The following NCBP1 variants were observed in gnomAD, a reference collection of about 807,000 sequenced individuals.
The protein encoded by NCBP1 is nuclear cap-binding protein subunit 1.
A neutral mutation model predicts 111.7 loss-of-function variants in NCBP1; 16 were observed. That is an observed-to-expected ratio of 0.14 (90% CI 0.10 to 0.22). NCBP1 has a LOEUF of 0.22. NCBP1 is among the 10% of genes least tolerant of loss of function. The pLI is 1.00. For synonymous variants in NCBP1, 304 were observed against 314.3 expected, an observed-to-expected ratio of 0.97 and a Z score of 0.35; for missense variants, 607 against 957.5, an observed-to-expected ratio of 0.63 and a Z score of 4.83.
chr9:97,650,372 A>T lies in NCBP1; in HGVS notation c.898-131A>T. ...GAATTTCCTGAAATATAGAGCTTTA[A>T]CACTTCAGAACTTTTATCCCCATCA... On this transcript the variant is annotated intron_variant, in intron 8 of 22. Transcript: ENST00000375147. 7.0e-6 allele frequency: 4 copies of T among 569,862 alleles called. No individual in the cohort carries two copies. The South Asian group carries it at 1.1e-4, about 15-fold the overall frequency. 35.3% of individuals were successfully genotyped at this position (569,862 alleles called of 1,614,324 possible).
At chr9:97,651,288 A>G in intron 9 of NCBP1, 22 bp from the exon 10 acceptor site, 1 of 1,588,846 alleles carries the variant, frequency 6.3e-7, no homozygotes, top group East Asian at 2.3e-5. Flanking sequence ...TACTTATTAA[A>G]CTTAAATTAC....
intron 11 of NCBP1, 50 bp from the exon 12 acceptor site, chr9:97,654,830 C>A: frequency 6.7e-7 from 1 of 1,500,534 alleles, no homozygotes; most frequent in African/African-American, 1.4e-5. Flanking sequence ...TCTATTACAA[C>A]TTATTTGGGA....
At chr9:97,660,518 T>C (rs1827802728) in intron 15 of NCBP1, among the ~76,000 whole-genome samples, 1 of 152,192 alleles carries the variant, frequency 6.6e-6, no homozygotes, top group Non-Finnish European at 1.5e-5. Context: ...TCAGACTTCA[T>C]TTCCACGGTC....
intron 15 of NCBP1, among the ~76,000 whole-genome samples, chr9:97,660,152 C>CT (rs980125772): frequency 4.6e-5 from 7 of 152,118 alleles, no homozygotes; most frequent in Admixed American, 2.0e-4. Flanking sequence ...TCTTCGCCTT[C>CT]TTTTTTTTAG....
intron 9 of NCBP1, 150 bp from the exon 10 acceptor site, chr9:97,651,160 A>T: frequency 1.9e-6 from 1 of 526,106 alleles, no homozygotes; most frequent in Non-Finnish European, 3.1e-6. Flanking sequence ...AGAATAATTT[A>T]TGCCATAGTT....
intron 12 of NCBP1, among the ~76,000 whole-genome samples, chr9:97,655,339 C>T (rs1050299282): frequency 7.2e-5 from 11 of 152,030 alleles, no homozygotes; most frequent in African/African-American, 1.9e-4. Flanking sequence ...GTCTCCATCC[C>T]GAGTAGCTGG....
chr9:97,641,118 G>C (rs946353357), intron 2 of NCBP1, among the ~76,000 whole-genome samples: 2 of 152,058 alleles, frequency 1.3e-5, no homozygotes, highest in Non-Finnish European at 2.9e-5. Flanking sequence ...GGGACCTAGG[G>C]TATAGACCCC....
At chr9:97,641,317 A>G (rs761093223) in intron 2 of NCBP1, among the ~76,000 whole-genome samples, 4 of 152,104 alleles carry the variant, frequency 2.6e-5, no homozygotes, top group Non-Finnish European at 2.9e-5. Flanking sequence ...CTGAAGAACA[A>G]TAACTATCTG....
At chr9:97,667,185 G>C (rs1038004041) in intron 20 of NCBP1, among the ~76,000 whole-genome samples, 13 of 152,132 alleles carry the variant, frequency 8.5e-5, no homozygotes, top group African/African-American at 3.1e-4. Context: ...GAGGACACTT[G>C]TATTTCTGTA....
In NCBP1 at chr9:97,656,107, C is replaced by T. The variant is rs566441553; in HGVS notation, c.1373+22C>T. Reference sequence around the variant, plus strand: ...TGAGGTAAGTTTTTTGTGTTTTCTCCTTTTAACTTCTTTGGGAGGATTTCT... The same window carrying T: ...TGAGGTAAGTTTTTTGTGTTTTCTCTTTTTAACTTCTTTGGGAGGATTTCT... On this transcript the variant is annotated intron_variant, in intron 14 of 22. Coordinates refer to ENST00000375147, the MANE Select transcript of NCBP1 (RefSeq NM_002486.5). The T allele has an allele frequency of 1.9e-6, 3 of 1,558,888 alleles. No individual in the cohort carries two copies. The African/African-American group carries it at 4.1e-5, about 21-fold the overall frequency.
At chr9:97,645,345 C>T (rs1827305941) in intron 5 of NCBP1, 121 bp downstream of exon 5, 1 of 820,270 alleles carries the variant, frequency 1.2e-6, no homozygotes, top group African/African-American at 1.7e-5. Context: ...AAAAAAATAA[C>T]AGCAGACTAT....
chr9:97,640,472 A>G (rs961483706), intron 1 of NCBP1, among the ~76,000 whole-genome samples: 18 of 152,280 alleles, frequency 1.2e-4, no homozygotes, highest in Non-Finnish European at 2.4e-4. Flanking sequence ...TATTCTAACT[A>G]CTAGTGTTTA....
intron 8 of NCBP1, among the ~76,000 whole-genome samples, chr9:97,649,812 G>A (rs889771539): frequency 6.6e-6 from 1 of 150,710 alleles, no homozygotes; most frequent in Admixed American, 6.6e-5. Context: ...TATTTAATTG[G>A]TATCACCTCT....
At chr9:97,663,301 G>A (rs550563336) in intron 18 of NCBP1, among the ~76,000 whole-genome samples, 2 of 152,256 alleles carry the variant, frequency 1.3e-5, no homozygotes, top group South Asian at 4.1e-4. Flanking sequence ...GGTTTATCTA[G>A]TCTATCCAGT....
At chr9:97,647,113 T>C (rs1466689958) in intron 6 of NCBP1, among the ~76,000 whole-genome samples, 2 of 152,144 alleles carry the variant, frequency 1.3e-5, no homozygotes, top group African/African-American at 4.8e-5. Context: ...TTATAAACAA[T>C]GTTTCAGTGA....
intron 17 of NCBP1, 58 bp from the exon 18 acceptor site, chr9:97,662,896 C>T (rs2131361686): frequency 1.5e-6 from 2 of 1,292,466 alleles, no homozygotes; most frequent in Non-Finnish European, 2.2e-6. Flanking sequence ...GCTTTGAAAA[C>T]ACTAAAATGT....
At chr9:97,652,687 C>T (rs1419364834) in intron 10 of NCBP1, among the ~76,000 whole-genome samples, 2 of 152,188 alleles carry the variant, frequency 1.3e-5, no homozygotes, top group African/African-American at 2.4e-5. Flanking sequence ...CCTCTACCGA[C>T]TGAGCTAGCT....
In NCBP1 at chr9:97,666,947, C is replaced by T. The variant is rs907448993; in HGVS notation, c.2016+70C>T. 9 of 1,124,690 alleles carry T rather than the reference C, an allele frequency of 8.0e-6. No homozygotes were observed. The East Asian group carries it at 2.4e-4, about 29-fold the overall frequency. 69.7% of individuals were successfully genotyped at this position (1,124,690 alleles called of 1,614,324 possible). A position where few individuals can be genotyped will look rare whatever the true frequency, so the allele number is the denominator to read the frequency against. On this transcript the variant is annotated intron_variant, in intron 20 of 22. Coordinates refer to ENST00000375147, the MANE Select transcript of NCBP1 (RefSeq NM_002486.5). ...GAAACTCTGGAGAGGATTCAGAGTT[C>T]ATTATCTTGATGATATTTCATTTTT...
intron 11 of NCBP1, among the ~76,000 whole-genome samples, 162 bp downstream of exon 11, chr9:97,654,070 A>C (rs892793548): frequency 2.6e-5 from 4 of 152,204 alleles, no homozygotes; most frequent in Admixed American, 2.6e-4. Flanking sequence ...CTGTAAATAC[A>C]TATGTACCTA....
Sources: allele counts gnomAD v4.1 joint callset (sites outside exome capture counted in the v4.1 genomes callset), GRCh38; gene constraint gnomAD v4.1.1; transcripts MANE v1.5; gene names NCBI Gene and HGNC (gene_info 2026-07-23, HGNC 2026-07-21).